JAKMIP2: variants seen among roughly 807,000 people sequenced by gnomAD.
JAKMIP2 encodes the protein janus kinase and microtubule interacting protein 2.
Under a neutral mutation model 115.0 loss-of-function variants are expected in JAKMIP2, and 25 were observed. That is an observed-to-expected ratio of 0.22 (90% CI 0.16 to 0.30). The LOEUF (loss-of-function observed/expected upper bound fraction) is 0.30, where lower values mean the gene tolerates loss of function less well. Among genes scored for constraint, JAKMIP2 ranks in the 10% least tolerant of loss-of-function variants. JAKMIP2 has a pLI of 1.00. For synonymous variants in JAKMIP2, 334 were observed against 343.6 expected (o/e 0.97, Z 0.31); for missense variants, 642 against 957.6 (o/e 0.67, Z 4.35).
intron 20 of JAKMIP2, among the ~76,000 whole-genome samples, chr5:147,604,506 C>T (rs1198738477): frequency 2.0e-5 from 3 of 152,102 alleles, no homozygotes; most frequent in African/African-American, 7.2e-5. Flanking sequence ...ATCTGGATGC[C>T]TGGTGGTCTA....
chr5:147,686,550 G>C (rs1175507488), intron 1 of JAKMIP2, among the ~76,000 whole-genome samples: 2 of 152,154 alleles, frequency 1.3e-5, no homozygotes, highest in Non-Finnish European at 2.9e-5. Flanking sequence ...GCAGTGCTTA[G>C]CACAGTGCCT....
At position 147,686,116 on chromosome 5, in the gene JAKMIP2, T is replaced by C. The variant is rs566194875; in HGVS notation, c.-148-14162A>G. Among the ~76,000 whole-genome samples the C allele has an allele frequency of 2.6e-5, 4 of 152,320 alleles. No homozygotes were observed. The South Asian group carries it at 8.3e-4, about 32-fold the overall frequency. ...GGACCTTGTTCCTAATCTGAAATGC[T>C]TTGGGCTCTAAAGTGCCTCTCCTCT... On this transcript the variant is annotated intron_variant, in intron 1 of 21. Transcript: ENST00000616793.
intron 1 of JAKMIP2, among the ~76,000 whole-genome samples, chr5:147,709,572 C>T (rs1037271369): frequency 1.3e-5 from 2 of 152,016 alleles, no homozygotes; most frequent in Non-Finnish European, 2.9e-5. Flanking sequence ...CATTCTAGGC[C>T]GGGTGGGGTG....
chr5:147,739,140 G>A (rs1481267984), intron 1 of JAKMIP2, among the ~76,000 whole-genome samples: 1 of 152,022 alleles, frequency 6.6e-6, no homozygotes, highest in Admixed American at 6.6e-5. Context: ...TGAGCCTGCT[G>A]GGGAAAGCTT....
At position 147,620,652 on chromosome 5, in the gene JAKMIP2, CTTG is replaced by C; in HGVS notation, c.2142+11_2142+13del. The C allele has an allele frequency of 1.3e-6, 2 of 1,593,620 alleles. No homozygotes were observed. Among genetic ancestry groups the C allele is most frequent in the Non-Finnish European group, 1.7e-6 (2 of 1,161,624 alleles). On this transcript the variant is annotated intron_variant, in intron 18 of 21. Transcript: ENST00000616793. ...GTAAATACTGCGGGTGTCTCTATCA[CTTG>C]TTGTACCTACCATATATGCTTGGTC...
intron 1 of JAKMIP2, among the ~76,000 whole-genome samples, chr5:147,709,835 G>A (rs781071150): frequency 1.8e-4 from 28 of 152,114 alleles, no homozygotes; most frequent in Non-Finnish European, 3.8e-4. Context: ...GGGCAACAGC[G>A]CAAGATTCCA....
At chr5:147,663,479 A>G (rs2126787687) in intron 2 of JAKMIP2, among the ~76,000 whole-genome samples, 1 of 152,230 alleles carries the variant, frequency 6.6e-6, no homozygotes, top group South Asian at 2.1e-4. Context: ...CAGCTTTGGG[A>G]CTTGAACTGG....
chr5:147,649,696 A>C (rs957268856), intron 4 of JAKMIP2, among the ~76,000 whole-genome samples: 71 of 152,230 alleles, frequency 4.7e-4, no homozygotes, highest in African/African-American at 1.7e-3. Flanking sequence ...TTCATTACTT[A>C]GTTCTAAGTA....
intron 1 of JAKMIP2, among the ~76,000 whole-genome samples, chr5:147,681,917 C>T (rs1760303076): frequency 6.6e-6 from 1 of 151,990 alleles, no homozygotes; most frequent in African/African-American, 2.4e-5. Context: ...GTGGCAAATG[C>T]CTGTAGTCCC....
At chr5:147,657,597 T>G (rs933007674) in intron 3 of JAKMIP2, among the ~76,000 whole-genome samples, 9 of 152,158 alleles carry the variant, frequency 5.9e-5, no homozygotes, top group African/African-American at 2.2e-4. Flanking sequence ...TCAAGTGTAT[T>G]TTCCAACTTG....
intron 1 of JAKMIP2, among the ~76,000 whole-genome samples, chr5:147,678,369 C>G (rs1161822806): frequency 3.9e-5 from 6 of 152,156 alleles, no homozygotes; most frequent in African/African-American, 1.4e-4. Flanking sequence ...TTCAGATTTT[C>G]CATATAAATG....
chr5:147,612,006 C>T, intron 20 of JAKMIP2: 1 of 503,084 alleles, frequency 2.0e-6, no homozygotes, highest in Non-Finnish European at 3.7e-6. Context: ...AGTAGGGTAA[C>T]AAAACTTGAA....
At chr5:147,652,121 G>A (rs916518874) in intron 3 of JAKMIP2, among the ~76,000 whole-genome samples, 1 of 152,066 alleles carries the variant, frequency 6.6e-6, no homozygotes, top group Admixed American at 6.6e-5. Context: ...TATACTCAGA[G>A]CTTAATATGC....
At chr5:147,652,020 C>T (rs1039010159) in intron 3 of JAKMIP2, among the ~76,000 whole-genome samples, 1 of 152,092 alleles carries the variant, frequency 6.6e-6, no homozygotes, top group Non-Finnish European at 1.5e-5. Flanking sequence ...TTAAACTTGT[C>T]GAGAAATCAT....
Position 147,639,716 on chromosome 5 carries a change from T to G in JAKMIP2, c.1446A>C (p.Thr482=). 1.2e-6 allele frequency: 2 copies of G among 1,614,022 alleles called. No homozygotes were observed. Among genetic ancestry groups the G allele is most frequent in the Non-Finnish European group, 8.5e-7 (1 of 1,179,924 alleles). The change falls in exon 10 of 22, where the codon ACA becomes ACC. Residue 482 remains threonine, a synonymous_variant. Transcript: ENST00000616793. Reference sequence around the variant, plus strand: ...CTCTTTGGAGGGCCTGATATTCTTTTGTTAATTGTCGAAATCTTAGTTCAG... The same window carrying G: ...CTCTTTGGAGGGCCTGATATTCTTTGGTTAATTGTCGAAATCTTAGTTCAG... The part of the protein sequence containing the change: ...EESELRFRQL[T]KEYQALQRAY...
At chr5:147,636,163 G>T in intron 12 of JAKMIP2, 59 bp downstream of exon 12, 1 of 1,429,618 alleles carries the variant, frequency 7.0e-7, no homozygotes. Context: ...ACCCCCTGCT[G>T]CTCCTGGATC....
At chr5:147,764,993 A>G (rs28715311) in intron 1 of JAKMIP2, among the ~76,000 whole-genome samples, 4 of 113,726 alleles carry the variant, frequency 3.5e-5, no homozygotes, top group South Asian at 3.0e-4. Context: ...AGAGAGAGGG[A>G]GAGAGAGAGA....
At chr5:147,658,997 G>A (rs527372088) in intron 3 of JAKMIP2, among the ~76,000 whole-genome samples, 11 of 151,940 alleles carry the variant, frequency 7.2e-5, no homozygotes, top group Admixed American at 1.3e-4. Flanking sequence ...ACTGGGACCC[G>A]CTTGTGAGAC....
chr5:147,662,760 G>T (rs941205403), intron 2 of JAKMIP2, among the ~76,000 whole-genome samples: 1 of 152,084 alleles, frequency 6.6e-6, no homozygotes, highest in East Asian at 1.9e-4. Flanking sequence ...CGAGGCGGAT[G>T]GATCACCTGA....
Sources: gnomAD v4.1 joint callset for allele counts (sites outside exome capture counted in the v4.1 genomes callset) on GRCh38, gnomAD v4.1.1 for gene constraint, MANE v1.5 for transcripts, NCBI Gene and HGNC (gene_info 2026-07-23, HGNC 2026-07-21) for gene names.